Variants in PRKCB observed in about 807,000 individuals in gnomAD.
The protein encoded by PRKCB is protein kinase C beta, also known as protein kinase C beta type.
Under a neutral mutation model 81.5 loss-of-function variants are expected in PRKCB, and 13 were observed. That is an observed-to-expected ratio of 0.16 (90% CI 0.10 to 0.25). PRKCB has a LOEUF of 0.25. Ranked by LOEUF, PRKCB falls within the 10% of genes least tolerant of loss-of-function variation. The pLI is 1.00. For synonymous variants in PRKCB, 335 were observed against 321.4 expected (o/e 1.04, Z -0.45); for missense variants, 509 against 875.7 (o/e 0.58, Z 5.29).
chr16:24,211,557 CTTTTT>C (rs34318557), intron 16 of PRKCB, among the ~76,000 whole-genome samples: 3 of 130,458 alleles, frequency 2.3e-5, no homozygotes, highest in Non-Finnish European at 1.6e-5. Context: ...TACAGACTCA[CTTTTT>C]TTTTTTTTTT....
At chr16:24,072,777 TCAC>T (rs1426249021) in intron 5 of PRKCB, among the ~76,000 whole-genome samples, 1 of 152,128 alleles carries the variant, frequency 6.6e-6, no homozygotes, top group Non-Finnish European at 1.5e-5. Flanking sequence ...AGACGGGGTT[TCAC>T]CATGTTGGCC....
intron 2 of PRKCB, among the ~76,000 whole-genome samples, chr16:23,958,026 C>A (rs1964373392): frequency 3.3e-5 from 5 of 152,190 alleles, no homozygotes; most frequent in Admixed American, 3.3e-4. Flanking sequence ...GAATCTCACT[C>A]TGTTGCCCAG....
chr16:24,181,249 T>C (rs985252238), intron 13 of PRKCB, among the ~76,000 whole-genome samples: 10 of 152,162 alleles, frequency 6.6e-5, no homozygotes, highest in African/African-American at 2.4e-4. Flanking sequence ...ATTATGACAT[T>C]GAAATGTTTG....
chr16:23,935,557 T>C (rs1429719600), intron 2 of PRKCB, among the ~76,000 whole-genome samples: 1 of 152,146 alleles, frequency 6.6e-6, no homozygotes, highest in Non-Finnish European at 1.5e-5. Flanking sequence ...CCAAAATCTC[T>C]TTTAAAATAG....
chr16:24,132,771 C>CTT (rs750021427), intron 9 of PRKCB, among the ~76,000 whole-genome samples: 33 of 100,948 alleles, frequency 3.3e-4, no homozygotes, highest in African/African-American at 3.9e-4. Flanking sequence ...TGATTTGGGG[C>CTT]TTTTTTTTTT....
At chr16:23,964,957 A>G (rs1186584832) in intron 2 of PRKCB, among the ~76,000 whole-genome samples, 1 of 152,148 alleles carries the variant, frequency 6.6e-6, no homozygotes, top group Non-Finnish European at 1.5e-5. Flanking sequence ...GGTGTGAGCT[A>G]CCATGCCTGG....
At chr16:24,021,004 C>T (rs1452323819) in intron 3 of PRKCB, among the ~76,000 whole-genome samples, 1 of 140,182 alleles carries the variant, frequency 7.1e-6, no homozygotes, top group Non-Finnish European at 1.5e-5. Flanking sequence ...TTCTTTCTTT[C>T]TTTCTTTCTT....
At chr16:24,088,734 A>T in intron 5 of PRKCB, among the ~76,000 whole-genome samples, 1 of 150,118 alleles carries the variant, frequency 6.7e-6, no homozygotes, top group Middle Eastern at 3.4e-3. Flanking sequence ...AAAAAAAAAA[A>T]AAATTGCTCT....
chr16:24,019,786 G>A (rs999528055), intron 3 of PRKCB, among the ~76,000 whole-genome samples: 5 of 151,614 alleles, frequency 3.3e-5, no homozygotes, highest in Non-Finnish European at 7.4e-5. Flanking sequence ...AAAAAAAAAT[G>A]AGATTTTTTT....
intron 7 of PRKCB, 72 bp downstream of exon 7, chr16:24,094,369 T>A: frequency 1.3e-6 from 2 of 1,541,090 alleles, no homozygotes; most frequent in Non-Finnish European, 1.8e-6. Context: ...TATGTTTTCC[T>A]TTTTCTCCAA....
intron 16 of PRKCB, among the ~76,000 whole-genome samples, chr16:24,192,468 C>T (rs1018466543): frequency 4.6e-5 from 7 of 152,084 alleles, no homozygotes; most frequent in South Asian, 2.1e-4. Flanking sequence ...GAAAAGGTAA[C>T]CTGGAAAGGA....
intron 2 of PRKCB, among the ~76,000 whole-genome samples, chr16:23,925,698 G>T (rs1210115343): frequency 6.6e-6 from 1 of 152,008 alleles, no homozygotes; most frequent in African/African-American, 2.4e-5. Context: ...TTATTTAGTG[G>T]TAGAATCTGT....
chr16:24,103,170 GC>G (rs1288251596), intron 7 of PRKCB, among the ~76,000 whole-genome samples: 7 of 152,194 alleles, frequency 4.6e-5, no homozygotes, highest in African/African-American at 1.7e-4. Context: ...ACCGCACGTG[GC>G]CAAAAATAAT....
chr16:24,109,835 G>A (rs1467128734), intron 7 of PRKCB, among the ~76,000 whole-genome samples: 2 of 132,066 alleles, frequency 1.5e-5, no homozygotes, highest in Non-Finnish European at 3.1e-5. Context: ...CTGAGTGAAC[G>A]AGACTCCATC....
intron 7 of PRKCB, among the ~76,000 whole-genome samples, chr16:24,096,665 AAATATATATATATATATATATAT>A (rs1966446318): frequency 5.1e-5 from 2 of 39,300 alleles, no homozygotes; most frequent in South Asian, 1.6e-3. Flanking sequence ...AAAAAAAAAA[AAATATATATATATATATATATAT>A]ATATATATAT....
At chr16:24,086,430 T>C (rs904584902) in intron 5 of PRKCB, among the ~76,000 whole-genome samples, 1 of 152,202 alleles carries the variant, frequency 6.6e-6, no homozygotes, top group Non-Finnish European at 1.5e-5. Context: ...GGGCATGTGC[T>C]GAGGATGTCC....
intron 12 of PRKCB, among the ~76,000 whole-genome samples, chr16:24,180,095 C>T (rs769331327): frequency 2.6e-5 from 4 of 152,234 alleles, no homozygotes; most frequent in South Asian, 2.1e-4. Flanking sequence ...CAGGCGCCCA[C>T]GACCACGCCC....
chr16:24,144,836 A>G (rs1242353329), intron 9 of PRKCB, among the ~76,000 whole-genome samples: 5 of 152,200 alleles, frequency 3.3e-5, no homozygotes, highest in East Asian at 3.9e-4. Flanking sequence ...CATTGATTCA[A>G]CGGATATGTA....
chr16:24,059,114 G>A (rs1965941259), intron 5 of PRKCB, among the ~76,000 whole-genome samples: 1 of 152,192 alleles, frequency 6.6e-6, no homozygotes, highest in Non-Finnish European at 1.5e-5. Context: ...TATATGTTGA[G>A]ATGTTTTTGG....
Sources: allele counts gnomAD v4.1 joint callset (sites outside exome capture counted in the v4.1 genomes callset), GRCh38; gene constraint gnomAD v4.1.1; transcripts MANE v1.5; gene names NCBI Gene and HGNC (gene_info 2026-07-23, HGNC 2026-07-21).